PWWP3A: variants seen among roughly 807,000 people sequenced by gnomAD.
The protein encoded by PWWP3A is PWWP domain-containing DNA repair factor 3A.
Under a neutral mutation model 79.0 loss-of-function variants are expected in PWWP3A, and 53 were observed. The ratio of observed to expected loss-of-function variants is 0.67; its 90% confidence interval spans 0.54 to 0.84. The LOEUF (loss-of-function observed/expected upper bound fraction) is 0.84. Ranked by LOEUF, PWWP3A falls within the 40% of genes least tolerant of loss-of-function variation. PWWP3A has a pLI of 0.00. For synonymous variants in PWWP3A, 443 were observed against 394.4 expected (o/e 1.12, Z -1.46); for missense variants, 973 against 948.0 (o/e 1.03, Z -0.35).
intron 12 of PWWP3A, 30 bp from the exon 13 acceptor site, chr19:1,373,042 G>A (rs770660515): frequency 6.2e-7 from 1 of 1,608,148 alleles, no homozygotes; most frequent in Admixed American, 1.7e-5. Context: ...GGCAGTGCCT[G>A]CTGCTATTGA....
Position 1,355,090 on chromosome 19 carries a change from C to A in PWWP3A, c.-115C>A. 6.6e-6 allele frequency: 1 copy of A among 152,114 alleles called. No individual in the cohort carries two copies. The highest frequency in any genetic ancestry group is 1.8e-4 in the South Asian group (1 of 5,668). 9.4% of individuals were successfully genotyped at this position (152,114 alleles called of 1,614,324 possible). A position where few individuals can be genotyped will look rare whatever the true frequency, so the allele number is the denominator to read the frequency against. On this transcript the variant is annotated 5_prime_UTR_variant, in exon 1 of 14. Coordinates refer to ENST00000591337, the MANE Select transcript of PWWP3A (RefSeq NM_001369789.1). ...TCCGCTGTTGCGGCCGCTGCGGCCT[C>A]CTTGCCCGGGCTTGGGGCGCCGCGC... is the stretch of plus-strand genomic sequence containing the variant.
chr19:1,369,440 T>C lies in PWWP3A; in HGVS notation c.1498+100T>C. 6.7e-7 allele frequency: 1 copy of C among 1,501,730 alleles called. No individual in the cohort carries two copies. Among genetic ancestry groups the C allele is most frequent in the Non-Finnish European group, 9.2e-7 (1 of 1,081,442 alleles). 93.0% of individuals were successfully genotyped at this position (1,501,730 alleles called of 1,614,324 possible). A position where few individuals can be genotyped will look rare whatever the true frequency, so the allele number is the denominator to read the frequency against. On this transcript the variant is annotated intron_variant, in intron 10 of 13. Coordinates refer to ENST00000591337, the MANE Select transcript of PWWP3A (RefSeq NM_001369789.1). The surrounding 1 kb of genome is among the most constrained non-coding windows in gnomAD (Gnocchi z 4.0). ...GCCGGAGCTGCCTGGAGGCGGGGCA[T>C]ATTTCCGTGGGCCTGGGGCATTCCC...
intron 8 of PWWP3A, 137 bp from the exon 9 acceptor site, chr19:1,367,023 C>CTTT: frequency 3.0e-6 from 2 of 656,662 alleles, no homozygotes; most frequent in South Asian, 4.0e-5. Context: ...GCTGGGGAAA[C>CTTT]GGTCACCTTC....
At chr19:1,367,416 T>G (rs2082152067) in intron 9 of PWWP3A, among the ~76,000 whole-genome samples, 196 bp downstream of exon 9, 1 of 152,246 alleles carries the variant, frequency 6.6e-6, no homozygotes, top group Non-Finnish European at 1.5e-5. Context: ...TTCTCACAAC[T>G]GTCCTGGGAA....
rs1220323553 is a variant in PWWP3A at position 1,356,465 on chromosome 19, C to T, written c.57+16C>T. 3 of 1,613,224 alleles carry T rather than the reference C, an allele frequency of 1.9e-6. No individual in the cohort carries two copies. The highest frequency in any genetic ancestry group is 4.5e-5 in the East Asian group (2 of 44,882). ...GCCTGCGAAGGTGACAGCCATTATT[C>T]TGTAACTTCAGGACTTAGAAATGAC... is the stretch of plus-strand genomic sequence containing the variant. On this transcript the variant is annotated intron_variant, in intron 2 of 13. Coordinates refer to ENST00000591337, the MANE Select transcript of PWWP3A (RefSeq NM_001369789.1).
intron 2 of PWWP3A, 34 bp downstream of exon 2, chr19:1,356,483 G>A (rs1197799718): frequency 6.2e-7 from 1 of 1,607,342 alleles, no homozygotes; most frequent in Admixed American, 1.7e-5. Context: ...TCAGGACTTA[G>A]AAATGACTTT....
In PWWP3A at chr19:1,356,301, C is replaced by T. The variant is rs1489515595; in HGVS notation, c.-69-23C>T. 5 of 1,280,660 alleles carry T rather than the reference C, an allele frequency of 3.9e-6. No individual in the cohort carries two copies. In the African/African-American group the frequency reaches 7.3e-5, roughly 19 times the overall value. The allele number at this position is 1,280,660 out of a possible 1,614,324, so 79.3% of individuals were successfully genotyped here. A position where few individuals can be genotyped will look rare whatever the true frequency, so the allele number is the denominator to read the frequency against. ...CATCGCCAGCAAACAGTTGTATAAA[C>T]CACCGTGCAAATTTCGTTCCAGGAC... On this transcript the variant is annotated intron_variant, in intron 1 of 13. Transcript: ENST00000591337.
In PWWP3A at chr19:1,360,450, A is replaced by G. The variant is rs754727820; in HGVS notation, c.529A>G (p.Lys177Glu). The change falls in exon 5 of 14, where the codon AAG becomes GAG. Residue 177 changes from lysine (K) to glutamate (E), a missense_variant. Physicochemically the swap from Lys to Glu is moderately conservative, Grantham distance 56. Coordinates refer to ENST00000591337, the MANE Select transcript of PWWP3A (RefSeq NM_001369789.1). This position sits in a 1 kb window ranked among gnomAD's most constrained non-coding sequence, Gnocchi z 4.4. ...EKDPECKVDHKKGLRKSENPR... is the reference protein window; with the variant it reads ...EKDPECKVDHEKGLRKSENPR... ...GGACCCCGAGTGCAAAGTGGACCACAAGAAGGGGCTCAGGAAAAGTGAAAA... is the reference window on the plus strand; with the variant it reads ...GGACCCCGAGTGCAAAGTGGACCACGAGAAGGGGCTCAGGAAAAGTGAAAA... 9 of 1,614,052 alleles carry G rather than the reference A, an allele frequency of 5.6e-6. No homozygotes were observed. The East Asian group carries it at 2.0e-4, about 36-fold the overall frequency.
intron 12 of PWWP3A, 34 bp from the exon 13 acceptor site, chr19:1,373,038 G>A (rs1446718240): frequency 6.2e-7 from 1 of 1,605,458 alleles, no homozygotes; most frequent in Non-Finnish European, 8.5e-7. Context: ...GTTGGGCAGT[G>A]CCTGCTGCTA....
intron 8 of PWWP3A, among the ~76,000 whole-genome samples, chr19:1,366,704 G>A (rs1260919597): frequency 6.6e-6 from 1 of 152,246 alleles, no homozygotes; most frequent in East Asian, 1.9e-4. Flanking sequence ...AAATGTCCAC[G>A]CAGGTGTGCA....
chr19:1,370,375 T>C (rs541429199), intron 11 of PWWP3A, among the ~76,000 whole-genome samples: 3 of 152,332 alleles, frequency 2.0e-5, no homozygotes, highest in East Asian at 1.9e-4. Context: ...TTGATTCTGC[T>C]TGGGCAGTGC....
intron 6 of PWWP3A, among the ~76,000 whole-genome samples, chr19:1,362,697 G>A (rs1047113973): frequency 6.6e-6 from 1 of 152,260 alleles, no homozygotes; most frequent in African/African-American, 2.4e-5. Context: ...CCATTGCTCG[G>A]GTGTGGCCAC....
rs2082195579 is a variant in PWWP3A, at chr19:1,369,136, G to A, written c.1423-129G>A. On this transcript the variant is annotated intron_variant, in intron 9 of 13. Transcript: ENST00000591337. This position sits in a 1 kb window ranked among gnomAD's most constrained non-coding sequence, Gnocchi z 4.0. ...TGCCAGAGCCCCCTTTGTCAGGGAG[G>A]GTCAGAGGTGCGGGCTGGAGCGTGA... is the stretch of plus-strand genomic sequence containing the variant. 1 of 756,768 alleles carries A rather than the reference G, an allele frequency of 1.3e-6. No homozygotes were observed. The highest frequency in any genetic ancestry group is 2.3e-6 in the Non-Finnish European group (1 of 442,094). 46.9% of individuals were successfully genotyped at this position (756,768 alleles called of 1,614,324 possible).
At chr19:1,375,058 T>TAAA (rs36062259) in intron 13 of PWWP3A, among the ~76,000 whole-genome samples, 1 of 137,820 alleles carries the variant, frequency 7.3e-6, no homozygotes. Context: ...ATCTCTACTT[T>TAAA]AAAAAAAAAA....
Position 1,355,001 on chromosome 19 carries a change from CGGCG to C in PWWP3A, c.-202_-199del, listed in dbSNP as rs1166384217. 6.7e-6 allele frequency: 1 copy of C among 149,598 alleles called. No homozygotes were observed. The highest frequency in any genetic ancestry group is 1.9e-4 in the East Asian group (1 of 5,246). The allele number at this position is 149,598 out of a possible 1,614,324, so 9.3% of individuals were successfully genotyped here. A position where few individuals can be genotyped will look rare whatever the true frequency, so the allele number is the denominator to read the frequency against. On this transcript the variant is annotated 5_prime_UTR_variant, in exon 1 of 14. Transcript: ENST00000591337. ...CCGCGGGGAGCGGCGGCGGCGGCGG[CGGCG>C]GCGGTGGCGGAGGCGGTGAGCGCGG...
chr19:1,356,493 T>C, intron 2 of PWWP3A, 44 bp downstream of exon 2: 1 of 1,589,690 alleles, frequency 6.3e-7, no homozygotes, highest in South Asian at 1.1e-5. Context: ...GAAATGACTT[T>C]CGGGTGACAA....
intron 1 of PWWP3A, 89 bp downstream of exon 1, chr19:1,355,224 G>C (rs2081818601): frequency 1.3e-5 from 2 of 152,142 alleles, no homozygotes; most frequent in South Asian, 4.1e-4. Flanking sequence ...CCCCGGCCTA[G>C]AGACTCCTCC....
intron 9 of PWWP3A, 77 bp downstream of exon 9, chr19:1,367,297 T>C: frequency 1.6e-6 from 2 of 1,248,382 alleles, no homozygotes; most frequent in East Asian, 2.3e-5. Context: ...TGTGTAGCTC[T>C]TGAAATCCAT....
intron 11 of PWWP3A, among the ~76,000 whole-genome samples, chr19:1,370,183 A>G (rs1047959679): frequency 1.3e-5 from 2 of 152,132 alleles, no homozygotes; most frequent in Admixed American, 6.5e-5. Flanking sequence ...GTGGTGACCT[A>G]TGTGATTGCA....
Sources: gnomAD v4.1 joint callset for allele counts (sites outside exome capture counted in the v4.1 genomes callset) on GRCh38, gnomAD v4.1.1 for gene constraint, Gnocchi (gnomAD v3.1) non-coding constraint, MANE v1.5 for transcripts, NCBI Gene and HGNC (gene_info 2026-07-23, HGNC 2026-07-21) for gene names.